SRGAP3: variants seen among roughly 807,000 people sequenced by gnomAD.
SRGAP3 encodes SLIT-ROBO Rho GTPase activating protein 3.
Under a neutral mutation model 121.1 loss-of-function variants are expected in SRGAP3, and 39 were observed. That is an observed-to-expected ratio of 0.32 (90% CI 0.25 to 0.42). The LOEUF is 0.42. SRGAP3 is among the 10% of genes least tolerant of loss of function. The pLI, the probability that SRGAP3 is intolerant of heterozygous loss-of-function variation, is 1.00. For missense variants in SRGAP3, 1,213 were observed against 1,470.6 expected, an observed-to-expected ratio of 0.82 and a Z score of 2.86; for synonymous variants, 601 against 570.0, an observed-to-expected ratio of 1.05 and a Z score of -0.77.
intron 10 of SRGAP3, among the ~76,000 whole-genome samples, chr3:9,046,777 G>C (rs948263076): frequency 6.6e-6 from 1 of 152,012 alleles, no homozygotes; most frequent in Non-Finnish European, 1.5e-5. Flanking sequence ...ACTTTGCCTT[G>C]GACTGTCCCT....
intron 3 of SRGAP3, among the ~76,000 whole-genome samples, chr3:9,096,935 T>TTG (rs1368160998): frequency 5.9e-4 from 42 of 71,276 alleles, no homozygotes; most frequent in South Asian, 1.8e-3. Context: ...TTACATTATT[T>TTG]TGTATATATA....
chr3:9,076,609 C>G (rs918561050), intron 4 of SRGAP3, among the ~76,000 whole-genome samples: 2 of 152,202 alleles, frequency 1.3e-5, no homozygotes, highest in African/African-American at 4.8e-5. Flanking sequence ...CCCTCTGCTT[C>G]TTTAATTCCT....
At chr3:9,045,877 T>C (rs624062) in intron 10 of SRGAP3, among the ~76,000 whole-genome samples, 66,151 of 151,796 alleles carry the variant, frequency 0.44, 15,950 homozygotes, top group African/African-American at 0.64. Context: ...TGCCTATAAA[T>C]ACCAACCCTC....
intron 1 of SRGAP3, among the ~76,000 whole-genome samples, chr3:9,355,582 AG>A (rs1251730892): frequency 6.6e-6 from 1 of 152,148 alleles, no homozygotes; most frequent in African/African-American, 2.4e-5. Context: ...TGTTTCATTC[AG>A]GGTCTACTTT....
At chr3:9,169,601 A>G (rs1048088791) in intron 1 of SRGAP3, among the ~76,000 whole-genome samples, 4 of 152,252 alleles carry the variant, frequency 2.6e-5, no homozygotes, top group African/African-American at 9.6e-5. Flanking sequence ...AAGTGAGTAA[A>G]TAATTCCCTC....
intron 18 of SRGAP3, among the ~76,000 whole-genome samples, chr3:8,997,038 G>A (rs182358397): frequency 1.4e-4 from 21 of 152,214 alleles, no homozygotes; most frequent in South Asian, 4.2e-4. Flanking sequence ...GGAACAGGGC[G>A]AACCTCCAGC....
intron 8 of SRGAP3, among the ~76,000 whole-genome samples, chr3:9,053,576 A>G (rs1336631861): frequency 6.6e-6 from 1 of 152,190 alleles, no homozygotes; most frequent in Non-Finnish European, 1.5e-5. Context: ...CCTCCAATGC[A>G]AGGTGGTCAG....
intron 3 of SRGAP3, among the ~76,000 whole-genome samples, chr3:9,316,652 C>A (rs1043847099): frequency 1.8e-4 from 28 of 151,806 alleles, no homozygotes; most frequent in African/African-American, 6.5e-4. Context: ...GAGACTCCAT[C>A]TCAAAAACAA....
intron 2 of SRGAP3, among the ~76,000 whole-genome samples, chr3:9,118,698 C>CG (rs1948894332): frequency 6.6e-6 from 1 of 152,124 alleles, no homozygotes; most frequent in African/African-American, 2.4e-5. Context: ...CAGGCCCCCC[C>CG]CCCAAGAAGT....
At position 9,046,308 on chromosome 3, in the gene SRGAP3, A is replaced by G. The variant is rs553282212; in HGVS notation, c.1408+1083T>C. Among the ~76,000 whole-genome samples, 8 of 152,354 alleles carry G rather than the reference A, an allele frequency of 5.3e-5. No homozygotes were observed. In the East Asian group the frequency reaches 1.5e-3, roughly 29 times the overall value. On this transcript the variant is annotated intron_variant, in intron 10 of 21. Transcript: ENST00000383836. ...TGTGGGGTGCTGACTGCAAAGGAGC[A>G]CGAGGGAATTTTTGAGGGTGACTGA... is the stretch of plus-strand genomic sequence containing the variant.
At chr3:9,124,670 T>C (rs1949150493) in intron 2 of SRGAP3, 55 bp downstream of exon 2, 1 of 1,609,486 alleles carries the variant, frequency 6.2e-7, no homozygotes. Flanking sequence ...CCACCAACTG[T>C]CCGCCCACCC....
intron 1 of SRGAP3, among the ~76,000 whole-genome samples, chr3:9,180,630 C>T (rs144612561): frequency 2.6e-5 from 4 of 152,236 alleles, no homozygotes; most frequent in Non-Finnish European, 4.4e-5. Context: ...ACACGAGAAA[C>T]CCAAACACAA....
At chr3:9,067,887 A>AGG (rs1000723891) in intron 4 of SRGAP3, among the ~76,000 whole-genome samples, 33 of 152,298 alleles carry the variant, frequency 2.2e-4, no homozygotes, top group African/African-American at 7.7e-4. Flanking sequence ...ATCAGCAAGA[A>AGG]GGGGGTTTCT....
intron 1 of SRGAP3, among the ~76,000 whole-genome samples, chr3:9,175,216 C>T (rs776772211): frequency 5.3e-5 from 8 of 152,194 alleles, no homozygotes; most frequent in Non-Finnish European, 1.0e-4. Flanking sequence ...AAGAACTCAT[C>T]CATATCTCAG....
intron 3 of SRGAP3, among the ~76,000 whole-genome samples, chr3:9,287,864 T>C (rs1002789323): frequency 6.6e-6 from 1 of 152,214 alleles, no homozygotes; most frequent in Admixed American, 6.5e-5. Context: ...TTCACTCTGA[T>C]TGCTTTAAGA....
At chr3:9,349,007 C>G (rs2029907822) in intron 1 of SRGAP3, 1 of 933,832 alleles carries the variant, frequency 1.1e-6, no homozygotes, top group Non-Finnish European at 1.8e-6. Context: ...CAACAGCCCC[C>G]CGGGCATTGT....
intron 1 of SRGAP3, among the ~76,000 whole-genome samples, chr3:9,340,267 A>G (rs1955762729): frequency 6.6e-6 from 1 of 152,180 alleles, no homozygotes; most frequent in African/African-American, 2.4e-5. Flanking sequence ...ATCTGGCACT[A>G]TTCCTCCAAA....
chr3:9,115,627 C>G (rs1000575300), intron 2 of SRGAP3, among the ~76,000 whole-genome samples: 2 of 150,982 alleles, frequency 1.3e-5, no homozygotes, highest in African/African-American at 4.9e-5. Context: ...ATGTTAAAAT[C>G]CTTTCCCCTC....
At chr3:9,229,255 G>A (rs1953113187) in intron 1 of SRGAP3, among the ~76,000 whole-genome samples, 3 of 152,082 alleles carry the variant, frequency 2.0e-5, no homozygotes, top group Admixed American at 2.0e-4. Flanking sequence ...GTTCAGTCTG[G>A]GTGGGTCCAG....
Sources: allele counts gnomAD v4.1 joint callset (sites outside exome capture counted in the v4.1 genomes callset), GRCh38; gene constraint gnomAD v4.1.1; transcripts MANE v1.5; gene names NCBI Gene and HGNC (gene_info 2026-07-23, HGNC 2026-07-21).